Variants in CFAP276 observed in about 807,000 individuals in gnomAD.
CFAP276 encodes cilia- and flagella-associated protein 276.
the CFAP276 span, among the ~76,000 whole-genome samples, chr1:109,109,744 C>T: frequency 2.0e-5 from 3 of 151,910 alleles, no homozygotes; most frequent in South Asian, 6.3e-4. Context: ...ACCACATTGG[C>T]CAGACTGGTC....
chr1:109,113,454 GA>G, the CFAP276 span, among the ~76,000 whole-genome samples: 37 of 140,844 alleles, frequency 2.6e-4, 3 homozygotes, highest in African/African-American at 8.9e-4. Context: ...GAGAGAGAGA[GA>G]GAGAGAGAGA....
chr1:109,113,440 GA>G, the CFAP276 span, among the ~76,000 whole-genome samples: 8 of 135,992 alleles, frequency 5.9e-5, 1 homozygote, highest in African/African-American at 1.6e-4. Flanking sequence ...GAGAGAGAGA[GA>G]GAGAGAGAGA....
At chr1:109,106,833 T>C in the CFAP276 span, 1 of 900,438 alleles carries the variant, frequency 1.1e-6, no homozygotes. Flanking sequence ...GGGAGATTTC[T>C]GTTCATCTTA....
the CFAP276 span, chr1:109,107,119 G>A: frequency 1.2e-6 from 2 of 1,613,810 alleles, no homozygotes; most frequent in Non-Finnish European, 1.7e-6. Flanking sequence ...TCATCCTTTG[G>A]TATCTACAGA....
chr1:109,113,451 A>AGAGAGAGAGAGAGAGAGAGAGGGAGT, the CFAP276 span, among the ~76,000 whole-genome samples: 10 of 120,452 alleles, frequency 8.3e-5, no homozygotes, highest in East Asian at 1.0e-3. Flanking sequence ...AGAGAGAGAG[A>AGAGAGAGAGAGAGAGAGAGAGGGAGT]GAGAGAGAGA....
the CFAP276 span, chr1:109,107,218 G>A: frequency 8.9e-6 from 8 of 897,516 alleles, no homozygotes; most frequent in Non-Finnish European, 1.4e-5. Flanking sequence ...AAAGTATAGT[G>A]AAGGCTCTCT....
the CFAP276 span, chr1:109,108,020 G>T: frequency 6.2e-7 from 1 of 1,605,194 alleles, no homozygotes; most frequent in Non-Finnish European, 8.5e-7. Context: ...GGTGTGTTGG[G>T]TTCTTATATG....
the CFAP276 span, chr1:109,108,042 A>C: frequency 2.8e-6 from 4 of 1,449,952 alleles, no homozygotes; most frequent in Admixed American, 1.7e-5. Context: ...CAATTTCTGC[A>C]AAAGAGAAAC....
the CFAP276 span, among the ~76,000 whole-genome samples, chr1:109,112,356 T>C: frequency 3.3e-5 from 5 of 152,210 alleles, no homozygotes; most frequent in African/African-American, 9.6e-5. Context: ...TCACAATTGA[T>C]TTGAGCTGCC....
the CFAP276 span, chr1:109,112,547 AAAG>A: frequency 1.3e-6 from 2 of 1,546,760 alleles, no homozygotes; most frequent in Non-Finnish European, 1.7e-6. Context: ...ACACAGACAG[AAAG>A]AAGACTACCG....
At chr1:109,109,883 C>T in the CFAP276 span, among the ~76,000 whole-genome samples, 1 of 152,074 alleles carries the variant, frequency 6.6e-6, no homozygotes, top group African/African-American at 2.4e-5. Context: ...ACTGTGCTAT[C>T]ACTGAGAAGA....
chr1:109,106,687 G>A, the CFAP276 span: 2 of 1,608,474 alleles, frequency 1.2e-6, no homozygotes, highest in Non-Finnish European at 8.5e-7. Flanking sequence ...GAAGAAAAGT[G>A]GAGAGTGAAA....
At chr1:109,108,165 C>T in the CFAP276 span, 1 of 717,690 alleles carries the variant, frequency 1.4e-6, no homozygotes, top group Middle Eastern at 3.9e-4. Context: ...TTTTTTGAGA[C>T]AGAATCTCAC....
the CFAP276 span, chr1:109,108,144 G>T: frequency 1.2e-6 from 1 of 859,866 alleles, no homozygotes; most frequent in Non-Finnish European, 1.9e-6. Context: ...TGTGTTTTTT[G>T]TTTTGTTTTA....
chr1:109,112,764 A>G, the CFAP276 span: 13 of 1,520,222 alleles, frequency 8.6e-6, no homozygotes, highest in African/African-American at 2.8e-5. Flanking sequence ...CCGGGTCCCA[A>G]TTGTTTGGAG....
At chr1:109,113,780 C>T in the CFAP276 span, 3 of 1,309,108 alleles carry the variant, frequency 2.3e-6, no homozygotes, top group South Asian at 2.4e-5. Flanking sequence ...TGTTGGCTGG[C>T]TTGGAGGATG....
chr1:109,112,863 G>T, the CFAP276 span: 1 of 1,008,330 alleles, frequency 9.9e-7, no homozygotes, highest in Non-Finnish European at 1.4e-6. Flanking sequence ...CTGACCACGG[G>T]AGGCCCCTGG....
chr1:109,106,255 G>T, the CFAP276 span, among the ~76,000 whole-genome samples: 1 of 152,260 alleles, frequency 6.6e-6, no homozygotes, highest in South Asian at 2.1e-4. Flanking sequence ...GTACTTATAG[G>T]TCTTCCACCC....
the CFAP276 span, chr1:109,107,128 G>A: frequency 1.2e-6 from 2 of 1,611,940 alleles, no homozygotes; most frequent in South Asian, 1.1e-5. Flanking sequence ...GGTATCTACA[G>A]AAGTCAGTCC....
Sources: gnomAD v4.1 joint callset for allele counts (sites outside exome capture counted in the v4.1 genomes callset) on GRCh38, gnomAD v4.1.1 for gene constraint, MANE v1.5 for transcripts, NCBI Gene and HGNC (gene_info 2026-07-23, HGNC 2026-07-21) for gene names.